C10orf53: variants seen among roughly 807,000 people sequenced by gnomAD.
C10orf53 encodes chromosome 10 open reading frame 53.
Under a neutral mutation model 9.4 loss-of-function variants are expected in C10orf53, and 8 were observed. The observed-to-expected ratio is 0.85, with a 90% CI of 0.50 to 1.53. C10orf53 has a LOEUF of 1.53. C10orf53 is among the 40% of genes most tolerant of loss of function. The pLI is 0.00. For synonymous variants in C10orf53, 48 were observed against 46.0 expected (o/e 1.04, Z -0.18); for missense variants, 117 against 117.8 (o/e 0.99, Z 0.03).
intron 2 of C10orf53, 140 bp from the exon 3 acceptor site, chr10:49,694,398 C>A: frequency 8.5e-7 from 1 of 1,172,460 alleles, no homozygotes; most frequent in Non-Finnish European, 1.2e-6. Context: ...AATCCACTAA[C>A]ACTCTATTAA....
chr10:49,690,231 T>G (rs1305348384), intron 1 of C10orf53, among the ~76,000 whole-genome samples: 1 of 152,176 alleles, frequency 6.6e-6, no homozygotes, highest in Non-Finnish European at 1.5e-5. Flanking sequence ...CAGTAGGTGG[T>G]TGATTTGTAA....
At chr10:49,691,232 A>G (rs1334530503) in intron 1 of C10orf53, among the ~76,000 whole-genome samples, 3 of 152,186 alleles carry the variant, frequency 2.0e-5, no homozygotes, top group African/African-American at 7.2e-5. Context: ...TTGATCCCTT[A>G]AGCCTGCACT....
chr10:49,702,553 C>T (rs954432231), intron 2 of C10orf53, among the ~76,000 whole-genome samples: 4 of 152,140 alleles, frequency 2.6e-5, no homozygotes, highest in Admixed American at 6.5e-5. Flanking sequence ...TGATCTTCTC[C>T]TGCACTTGAA....
At position 49,697,080 on chromosome 10, in the gene C10orf53, C is replaced by T. The variant is rs1840642342; in HGVS notation, c.*2478C>T. ...TGGTGGCATGCACCTGTAGTCCCAG[C>T]TACTTGAGGGGCTGAGGCAGGAGGA... On this transcript the variant is annotated 3_prime_UTR_variant, in exon 3 of 3. Coordinates refer to ENST00000374111, the MANE Select transcript of C10orf53 (RefSeq NM_001042427.3). Among the ~76,000 whole-genome samples the T allele has an allele frequency of 6.6e-6, 1 of 152,122 alleles. No individual in the cohort carries two copies. The highest frequency in any genetic ancestry group is 1.5e-5 in the Non-Finnish European group (1 of 68,020).
chr10:49,704,546 G>C (rs563741120), intron 2 of C10orf53, among the ~76,000 whole-genome samples: 1 of 152,106 alleles, frequency 6.6e-6, no homozygotes, highest in Non-Finnish European at 1.5e-5. Context: ...TTTGAGACCA[G>C]CCTGACCAAC....
chr10:49,683,754 G>T (rs1487073014), intron 1 of C10orf53, among the ~76,000 whole-genome samples: 1 of 152,050 alleles, frequency 6.6e-6, no homozygotes, highest in Non-Finnish European at 1.5e-5. Flanking sequence ...AAATTAGGTG[G>T]GTGTGATGGC....
chr10:49,683,552 T>A (rs1397313441), intron 1 of C10orf53, among the ~76,000 whole-genome samples: 1 of 152,234 alleles, frequency 6.6e-6, no homozygotes, highest in Non-Finnish European at 1.5e-5. Flanking sequence ...TCTGTTTTTT[T>A]CTTATTTTGC....
intron 1 of C10orf53, among the ~76,000 whole-genome samples, chr10:49,687,342 A>T (rs1153786): frequency 0.71 from 108,269 of 151,956 alleles, 41,572 homozygotes; most frequent in Non-Finnish European, 0.87. Context: ...TGGGGGGGAA[A>T]CTCCCCATCT....
chr10:49,687,132 T>C (rs1043923265), intron 1 of C10orf53, among the ~76,000 whole-genome samples: 1 of 152,170 alleles, frequency 6.6e-6, no homozygotes, highest in Admixed American at 6.5e-5. Context: ...TGTTTCTGGG[T>C]TTTGTTTTGT....
chr10:49,680,314 C>G (rs556370515), intron 1 of C10orf53, among the ~76,000 whole-genome samples: 1 of 152,092 alleles, frequency 6.6e-6, no homozygotes, highest in African/African-American at 2.4e-5. Context: ...CTAGGTGGTG[C>G]CATGGGAGCT....
At position 49,694,154 on chromosome 10, in the gene C10orf53, G is replaced by A. The variant is rs1338386411; in HGVS notation, c.217+261G>A. The A allele has an allele frequency of 6.7e-5, 40 of 593,046 alleles. No homozygotes were observed. The South Asian group carries it at 8.4e-4, about 12-fold the overall frequency. The allele number at this position is 593,046 out of a possible 1,614,324, so 36.7% of individuals were successfully genotyped here. ...ATGAAGTGAAGCCCTGGACTTCGAG[G>A]GATGTGATGGAATTAAGGGATAATA... is the stretch of plus-strand genomic sequence containing the variant. On this transcript the variant is annotated intron_variant, in intron 2 of 2. Coordinates refer to ENST00000374111, the MANE Select transcript of C10orf53 (RefSeq NM_001042427.3).
downstream of C10orf53, among the ~76,000 whole-genome samples, chr10:49,697,671 C>T (rs1039432945): frequency 1.3e-5 from 2 of 152,158 alleles, no homozygotes; most frequent in Non-Finnish European, 2.9e-5. Context: ...CCTGCCTCAG[C>T]CTCCTGAACA....
chr10:49,691,115 C>A (rs117957211), intron 1 of C10orf53, among the ~76,000 whole-genome samples: 1 of 152,170 alleles, frequency 6.6e-6, no homozygotes, highest in Non-Finnish European at 1.5e-5. Context: ...ATTTATCTGA[C>A]CTTTCTTTGA....
At chr10:49,694,482 A>G (rs1156865981) in intron 2 of C10orf53, 56 bp from the exon 3 acceptor site, 5 of 1,607,712 alleles carry the variant, frequency 3.1e-6, no homozygotes, top group Non-Finnish European at 3.4e-6. Context: ...TATGTCTGAT[A>G]TGATAACAAA....
chr10:49,694,382 C>T lies in C10orf53; in HGVS notation c.218-156C>T, dbSNP rs202093232. On this transcript the variant is annotated intron_variant, in intron 2 of 2. Coordinates refer to ENST00000374111, the MANE Select transcript of C10orf53 (RefSeq NM_001042427.3). ...GCCTCTCTGTGCTCAGAAGTTAAAG[C>T]TTTGCAATCCACTAACACTCTATTA... 3.3e-5 allele frequency: 35 copies of T among 1,053,674 alleles called. No individual in the cohort carries two copies. In the East Asian group the frequency reaches 6.2e-4, roughly 19 times the overall value. 65.3% of individuals were successfully genotyped at this position (1,053,674 alleles called of 1,614,324 possible).
In C10orf53 at chr10:49,696,660, T is replaced by C. The variant is rs1840637919; in HGVS notation, c.*2058T>C. 6.6e-6 allele frequency among the ~76,000 whole-genome samples: 1 copy of C among 152,066 alleles called. No individual in the cohort carries two copies. The highest frequency in any genetic ancestry group is 2.4e-5 in the African/African-American group (1 of 41,406). On this transcript the variant is annotated 3_prime_UTR_variant, in exon 3 of 3. Transcript: ENST00000374111. ...CGGAGAAGCTTCTGGGAGATGCCTG[T>C]GCCCAGAGCCCTATGTTTCAGTTTG...
At position 49,695,965 on chromosome 10, in the gene C10orf53, A is replaced by G. The variant is rs1840630779; in HGVS notation, c.*1363A>G. 1 of 152,220 alleles carries G rather than the reference A, an allele frequency of 6.6e-6. No individual in the cohort carries two copies. The highest frequency in any genetic ancestry group is 2.4e-5 in the African/African-American group (1 of 41,454). The allele number at this position is 152,220 out of a possible 1,614,324, so 9.4% of individuals were successfully genotyped here. A position where few individuals can be genotyped will look rare whatever the true frequency, so the allele number is the denominator to read the frequency against. ...AATCTTTGTTTCAATATAACATTTT[A>G]CTACAAGAGAAATCCATTCTCATTA... On this transcript the variant is annotated 3_prime_UTR_variant, in exon 3 of 3. Transcript: ENST00000374111.
chr10:49,691,435 T>C (rs563945431), intron 1 of C10orf53, among the ~76,000 whole-genome samples: 1 of 152,348 alleles, frequency 6.6e-6, no homozygotes, highest in East Asian at 1.9e-4. Context: ...TCAGTGAGCC[T>C]CTATTAAAAC....
intron 2 of C10orf53, among the ~76,000 whole-genome samples, chr10:49,705,071 G>A (rs1449538859): frequency 6.6e-6 from 1 of 152,188 alleles, no homozygotes; most frequent in Non-Finnish European, 1.5e-5. Context: ...ATTCAATGGA[G>A]TCCTATGTGT....
Sources: allele counts gnomAD v4.1 joint callset (sites outside exome capture counted in the v4.1 genomes callset), GRCh38; gene constraint gnomAD v4.1.1; transcripts MANE v1.5; gene names NCBI Gene and HGNC (gene_info 2026-07-23, HGNC 2026-07-21).